Variants in CNTN4 observed in about 807,000 individuals in gnomAD.
CNTN4 encodes the protein contactin 4, also known as contactin-4.
Under a neutral mutation model 122.5 loss-of-function variants are expected in CNTN4, and 77 were observed. That is an observed-to-expected ratio of 0.63 (90% CI 0.52 to 0.76). The LOEUF (loss-of-function observed/expected upper bound fraction) is 0.76, where lower values mean the gene tolerates loss of function less well. Among genes scored for constraint, CNTN4 ranks in the 30% least tolerant of loss-of-function variants. CNTN4 has a pLI of 0.00. For missense variants in CNTN4, 1,256 were observed against 1,259.1 expected (o/e 1.00, Z 0.04); for synonymous variants, 512 against 447.0 (o/e 1.15, Z -1.83).
chr3:2,562,397 C>G (rs2149434936), intron 3 of CNTN4, among the ~76,000 whole-genome samples: 1 of 152,228 alleles, frequency 6.6e-6, no homozygotes, highest in South Asian at 2.1e-4. Flanking sequence ...CTTTGTTCTA[C>G]TAGTCCCCAG....
At chr3:2,524,361 C>T (rs1444418982) in intron 3 of CNTN4, among the ~76,000 whole-genome samples, 1 of 152,006 alleles carries the variant, frequency 6.6e-6, no homozygotes, top group African/African-American at 2.4e-5. Flanking sequence ...TTTAGATATA[C>T]TACATTTTAT....
chr3:3,007,086 C>T (rs1391650389), intron 14 of CNTN4, among the ~76,000 whole-genome samples: 1 of 152,196 alleles, frequency 6.6e-6, no homozygotes, highest in Non-Finnish European at 1.5e-5. Context: ...ATTAGTCACT[C>T]TCCTCCTAGA....
At chr3:2,927,021 T>A (rs1233042869) in intron 13 of CNTN4, among the ~76,000 whole-genome samples, 1 of 152,232 alleles carries the variant, frequency 6.6e-6, no homozygotes, top group Non-Finnish European at 1.5e-5. Context: ...CACGTGAGAT[T>A]ACTTTTAATA....
chr3:2,310,118 AGATG>A (rs10662558), intron 2 of CNTN4, among the ~76,000 whole-genome samples: 1 of 151,870 alleles, frequency 6.6e-6, no homozygotes, highest in African/African-American at 2.4e-5. Context: ...TGTTGGTACC[AGATG>A]GATGGATGGA....
At chr3:2,442,746 A>G (rs1023566298) in intron 3 of CNTN4, among the ~76,000 whole-genome samples, 1 of 152,174 alleles carries the variant, frequency 6.6e-6, no homozygotes, top group Non-Finnish European at 1.5e-5. Context: ...ATCCACTAGT[A>G]CTATTTCTTT....
chr3:2,639,727 T>C (rs1429131091), intron 4 of CNTN4, among the ~76,000 whole-genome samples: 1 of 152,210 alleles, frequency 6.6e-6, no homozygotes, highest in Non-Finnish European at 1.5e-5. Flanking sequence ...CACATTTGTG[T>C]TTTGTTTAGT....
chr3:2,537,795 T>C (rs1198982576), intron 3 of CNTN4, among the ~76,000 whole-genome samples: 2 of 152,092 alleles, frequency 1.3e-5, no homozygotes, highest in Admixed American at 6.6e-5. Context: ...CATAAACATT[T>C]ACTTCAGTTA....
intron 3 of CNTN4, among the ~76,000 whole-genome samples, chr3:2,350,874 A>G (rs2044584348): frequency 6.6e-6 from 1 of 152,208 alleles, no homozygotes; most frequent in African/African-American, 2.4e-5. Context: ...TGCATGAGAG[A>G]AAACTTTCAT....
intron 3 of CNTN4, among the ~76,000 whole-genome samples, chr3:2,366,686 C>G (rs2045392607): frequency 2.6e-5 from 4 of 151,608 alleles, no homozygotes; most frequent in South Asian, 4.2e-4. Context: ...GAGATTGCAC[C>G]ACTGCGCTCC....
chr3:2,472,762 A>G (rs2075723932), intron 3 of CNTN4, among the ~76,000 whole-genome samples: 1 of 152,206 alleles, frequency 6.6e-6, no homozygotes, highest in African/African-American at 2.4e-5. Flanking sequence ...TTGACATTAG[A>G]TTCCTCTAAT....
chr3:2,680,769 A>G (rs1205708963), intron 4 of CNTN4, among the ~76,000 whole-genome samples: 2 of 152,194 alleles, frequency 1.3e-5, no homozygotes, highest in Non-Finnish European at 2.9e-5. Flanking sequence ...GAAAATCTCA[A>G]TATAAAGTTG....
At chr3:2,944,546 C>G (rs62232841) in intron 13 of CNTN4, among the ~76,000 whole-genome samples, 11,292 of 152,168 alleles carry the variant, frequency 0.074, 481 homozygotes, top group Middle Eastern at 0.12. Context: ...TTTTGCTCTC[C>G]TTGAATACTA....
intron 7 of CNTN4, among the ~76,000 whole-genome samples, chr3:2,854,094 C>T (rs560102903): frequency 4.7e-4 from 71 of 152,108 alleles, no homozygotes; most frequent in African/African-American, 1.6e-3. Flanking sequence ...TTTTAAAGGT[C>T]CAAATAAAAG....
intron 2 of CNTN4, among the ~76,000 whole-genome samples, chr3:2,314,301 C>G (rs948128023): frequency 1.3e-5 from 2 of 151,780 alleles, no homozygotes; most frequent in Non-Finnish European, 2.9e-5. Context: ...TGAAGTACAA[C>G]TGGAGGAATA....
At chr3:2,518,351 C>T (rs571500141) in intron 3 of CNTN4, among the ~76,000 whole-genome samples, 34 of 152,006 alleles carry the variant, frequency 2.2e-4, no homozygotes, top group African/African-American at 7.7e-4. Flanking sequence ...AAATCATTTT[C>T]GTAATACATG....
chr3:2,589,788 C>T lies in CNTN4; in HGVS notation c.55+18230C>T, dbSNP rs554020097. Among the ~76,000 whole-genome samples, 8 of 152,278 alleles carry T rather than the reference C, an allele frequency of 5.3e-5. No individual in the cohort carries two copies. The South Asian group carries it at 1.5e-3, about 28-fold the overall frequency. ...CTGGCAGGCTCATGCCAGGTGTTGA[C>T]GGTAGGCCTCTCTTCTGTACCGCAT... On this transcript the variant is annotated intron_variant, in intron 4 of 24. Transcript: ENST00000418658.
chr3:2,454,997 CA>C (rs2048945603), intron 3 of CNTN4, among the ~76,000 whole-genome samples: 2 of 151,968 alleles, frequency 1.3e-5, no homozygotes, highest in Admixed American at 6.6e-5. Flanking sequence ...AAGGAGCAGC[CA>C]AATCACTAAA....
In CNTN4 at chr3:3,056,541, A is replaced by T. The variant is rs1701813215; in HGVS notation, c.*321A>T. ...ATAGAATTTTTTAAAGTTAACATAT[A>T]ATGTAGATATTAATTTTTTCCTCGG... On this transcript the variant is annotated 3_prime_UTR_variant, in exon 25 of 25. Transcript: ENST00000418658. 6.0e-6 allele frequency: 1 copy of T among 166,046 alleles called. No homozygotes were observed. The highest frequency in any genetic ancestry group is 2.4e-5 in the African/African-American group (1 of 41,802). 10.3% of individuals were successfully genotyped at this position (166,046 alleles called of 1,614,324 possible).
intron 6 of CNTN4, among the ~76,000 whole-genome samples, chr3:2,765,438 A>G (rs2090810958): frequency 6.6e-6 from 1 of 152,200 alleles, no homozygotes; most frequent in African/African-American, 2.4e-5. Flanking sequence ...TGTCTCACAT[A>G]GTTATTTTAA....
Sources: gnomAD v4.1 joint callset for allele counts (sites outside exome capture counted in the v4.1 genomes callset) on GRCh38, gnomAD v4.1.1 for gene constraint, MANE v1.5 for transcripts, NCBI Gene and HGNC (gene_info 2026-07-23, HGNC 2026-07-21) for gene names.